SLC30A8: variants seen among roughly 807,000 people sequenced by gnomAD.
SLC30A8 encodes the protein proton-coupled zinc antiporter SLC30A8.
A neutral mutation model predicts 36.9 loss-of-function variants in SLC30A8; 27 were observed. The ratio of observed to expected loss-of-function variants is 0.73; its 90% confidence interval spans 0.54 to 1.01. The LOEUF (loss-of-function observed/expected upper bound fraction) is 1.01. Among genes scored for constraint, SLC30A8 ranks in the 50% least tolerant of loss-of-function variants. The probability of loss-of-function intolerance (pLI) is 0.00; values close to 1 mark genes in which losing one functional copy is unlikely to be tolerated. For missense variants in SLC30A8, 439 were observed against 452.0 expected, an observed-to-expected ratio of 0.97 and a Z score of 0.26; for synonymous variants, 164 against 172.4, an observed-to-expected ratio of 0.95 and a Z score of 0.38.
chr8:117,158,813 G>A (rs527407534), intron 4 of SLC30A8, among the ~76,000 whole-genome samples: 23 of 152,244 alleles, frequency 1.5e-4, no homozygotes, highest in South Asian at 1.0e-3. Flanking sequence ...GCTAGCTATC[G>A]TGTTGGTGGA....
chr8:116,984,896 G>C (rs1815388809), intron 1 of SLC30A8, among the ~76,000 whole-genome samples: 1 of 151,426 alleles, frequency 6.6e-6, no homozygotes, highest in African/African-American at 2.4e-5. Flanking sequence ...TTTGAATTGT[G>C]CTTTTGGTGT....
At chr8:116,997,433 C>T (rs2130677514) in intron 1 of SLC30A8, among the ~76,000 whole-genome samples, 1 of 152,144 alleles carries the variant, frequency 6.6e-6, no homozygotes, top group African/African-American at 2.4e-5. Flanking sequence ...ATATTCACAG[C>T]TGCTAGATTA....
chr8:117,045,337 CA>C (rs1251294373), intron 2 of SLC30A8, among the ~76,000 whole-genome samples: 2 of 152,056 alleles, frequency 1.3e-5, no homozygotes, highest in Non-Finnish European at 2.9e-5. Context: ...ATCGTTCCCC[CA>C]CCGTACTTGA....
intron 1 of SLC30A8, among the ~76,000 whole-genome samples, chr8:117,013,151 C>T (rs763148300): frequency 6.6e-6 from 1 of 152,168 alleles, no homozygotes; most frequent in Non-Finnish European, 1.5e-5. Context: ...TGTATTCCTT[C>T]AGCTCAAGGG....
At chr8:117,014,582 G>C (rs905895325) in intron 1 of SLC30A8, among the ~76,000 whole-genome samples, 2 of 152,194 alleles carry the variant, frequency 1.3e-5, no homozygotes, top group African/African-American at 4.8e-5. Flanking sequence ...TCAAGTGTGT[G>C]AGAGGATAGG....
chr8:117,155,884 T>C (rs1293575063), intron 3 of SLC30A8, among the ~76,000 whole-genome samples: 1 of 152,102 alleles, frequency 6.6e-6, no homozygotes, highest in Non-Finnish European at 1.5e-5. Context: ...TTACATGGCA[T>C]TTTCCCAATT....
At chr8:117,086,091 G>A (rs114273645) in intron 2 of SLC30A8, among the ~76,000 whole-genome samples, 1,777 of 152,254 alleles carry the variant, frequency 0.012, 53 homozygotes, top group African/African-American at 0.04. Context: ...ACTATAAGCA[G>A]ACACTCAATT....
chr8:116,978,607 T>C (rs1358712631), intron 1 of SLC30A8, among the ~76,000 whole-genome samples: 1 of 152,200 alleles, frequency 6.6e-6, no homozygotes, highest in Non-Finnish European at 1.5e-5. Context: ...TATTACAGTA[T>C]GTGCAAGAGC....
intron 1 of SLC30A8, among the ~76,000 whole-genome samples, chr8:117,002,443 T>A (rs1816041508): frequency 6.6e-6 from 1 of 152,186 alleles, no homozygotes; most frequent in South Asian, 2.1e-4. Context: ...TAACATTGGT[T>A]ATTCCAAATA....
rs139071119 is a variant in SLC30A8 at position 117,061,836 on chromosome 8, A to G, written c.-226+22578A>G. ...TCTTAGCAGGGCTGAGCAGGAAATC[A>G]TGTGAGATAGCCAAGTAAGAGGGAC... On this transcript the variant is annotated intron_variant, in intron 2 of 10. Coordinates refer to the SLC30A8 transcript ENST00000427715. 2.0e-3 allele frequency among the ~76,000 whole-genome samples: 312 copies of G among 152,310 alleles called. 4 individuals carry two copies. The highest frequency in any genetic ancestry group is 7.1e-3 in the African/African-American group (296 of 41,576).
At chr8:116,996,347 T>C (rs1815814566) in intron 1 of SLC30A8, among the ~76,000 whole-genome samples, 1 of 152,208 alleles carries the variant, frequency 6.6e-6, no homozygotes, top group South Asian at 2.1e-4. Context: ...ATTGTCTGTC[T>C]TTATTTTATT....
chr8:116,959,449 C>T lies in SLC30A8; in HGVS notation c.-266+8330C>T, dbSNP rs2130588964. Among the ~76,000 whole-genome samples, 3 of 152,276 alleles carry T rather than the reference C, an allele frequency of 2.0e-5. No homozygotes were observed. In the South Asian group the frequency reaches 6.2e-4, roughly 32 times the overall value. On this transcript the variant is annotated intron_variant, in intron 1 of 10. Transcript: ENST00000427715. ...TGGCTTCAATTGATCGATTTTTCTT[C>T]TCATTATGGATCATATTTTCCTGCT...
chr8:117,107,267 T>A (rs1221048856), intron 2 of SLC30A8, among the ~76,000 whole-genome samples: 3 of 152,146 alleles, frequency 2.0e-5, no homozygotes, highest in Non-Finnish European at 4.4e-5. Context: ...TAATATAATA[T>A]CAAAGTATTA....
At chr8:117,057,308 A>G (rs1273188589) in intron 2 of SLC30A8, among the ~76,000 whole-genome samples, 1 of 152,222 alleles carries the variant, frequency 6.6e-6, no homozygotes, top group African/African-American at 2.4e-5. Context: ...ATGATTTGGT[A>G]TACATACATA....
intron 1 of SLC30A8, among the ~76,000 whole-genome samples, chr8:117,018,492 A>G (rs1797991878): frequency 6.6e-6 from 1 of 152,102 alleles, no homozygotes; most frequent in South Asian, 2.1e-4. Flanking sequence ...CAGCAGCCAC[A>G]GGGGGTTGGC....
At chr8:117,100,412 T>C (rs1443031942) in intron 2 of SLC30A8, among the ~76,000 whole-genome samples, 4 of 152,164 alleles carry the variant, frequency 2.6e-5, no homozygotes, top group African/African-American at 9.7e-5. Flanking sequence ...TGTGAGAACA[T>C]AACCACTTTT....
intron 1 of SLC30A8, among the ~76,000 whole-genome samples, chr8:116,974,413 G>T (rs1159137077): frequency 6.6e-6 from 1 of 152,208 alleles, no homozygotes; most frequent in African/African-American, 2.4e-5. Flanking sequence ...AGACATTTAT[G>T]CAGCCAACAG....
rs182471733 is a variant in SLC30A8, at chr8:116,972,022, A to G, written c.-266+20903A>G. On this transcript the variant is annotated intron_variant, in intron 1 of 10. Coordinates refer to the SLC30A8 transcript ENST00000427715. The stretch of plus-strand genomic sequence containing the variant: ...AATGATAATTTTTCCTATCATAAAG[A>G]AACCTAGTGAAAAACTAGCTCAAGT... 4.7e-4 allele frequency among the ~76,000 whole-genome samples: 72 copies of G among 152,344 alleles called. No homozygotes were observed. The East Asian group carries it at 9.4e-3, about 20-fold the overall frequency.
At chr8:117,021,022 A>G (rs1262546108) in intron 1 of SLC30A8, among the ~76,000 whole-genome samples, 2 of 152,178 alleles carry the variant, frequency 1.3e-5, no homozygotes, top group African/African-American at 4.8e-5. Context: ...AAAAAGTAGA[A>G]TGTATGATGG....
Sources: allele counts gnomAD v4.1 joint callset (sites outside exome capture counted in the v4.1 genomes callset), GRCh38; gene constraint gnomAD v4.1.1; transcripts MANE v1.5; gene names NCBI Gene and HGNC (gene_info 2026-07-23, HGNC 2026-07-21).